Variants in LRP1B observed in about 807,000 individuals in gnomAD.
LRP1B encodes LDL receptor related protein 1B.
Under a neutral mutation model 556.6 loss-of-function variants are expected in LRP1B, and 217 were observed. The observed-to-expected ratio is 0.39, with a 90% CI of 0.35 to 0.44. LRP1B has a LOEUF of 0.44. LRP1B is among the 20% of genes least tolerant of loss of function. The pLI is 1.00. For missense variants in LRP1B, 5,053 were observed against 5,620.8 expected, an observed-to-expected ratio of 0.90 and a Z score of 3.23; for synonymous variants, 2,047 against 1,865.8, an observed-to-expected ratio of 1.10 and a Z score of -2.50.
At chr2:141,145,555 CAG>C (rs1053478757) in intron 7 of LRP1B, among the ~76,000 whole-genome samples, 14 of 146,352 alleles carry the variant, frequency 9.6e-5, no homozygotes, top group African/African-American at 1.8e-4. Context: ...TTTTTAGAGA[CAG>C]AGTTTTGCTC....
chr2:140,607,749 T>C (rs916734012), intron 41 of LRP1B, among the ~76,000 whole-genome samples: 6 of 152,056 alleles, frequency 3.9e-5, no homozygotes, highest in Admixed American at 3.9e-4. Context: ...TATGTAGATA[T>C]GGTTTAATTG....
At chr2:140,512,904 G>A (rs1689725471) in intron 51 of LRP1B, among the ~76,000 whole-genome samples, 1 of 152,086 alleles carries the variant, frequency 6.6e-6, no homozygotes. Flanking sequence ...TTGGTCTAAA[G>A]CAGTATTTTC....
chr2:141,403,390 G>A (rs539116938), intron 3 of LRP1B, among the ~76,000 whole-genome samples: 6 of 152,028 alleles, frequency 3.9e-5, no homozygotes, highest in African/African-American at 1.4e-4. Flanking sequence ...AACCCTTTAA[G>A]TTTACAAAAA....
intron 3 of LRP1B, among the ~76,000 whole-genome samples, chr2:141,257,667 C>T (rs1427341746): frequency 6.6e-6 from 1 of 152,166 alleles, no homozygotes; most frequent in Non-Finnish European, 1.5e-5. Context: ...GTTTATTAGA[C>T]TTATCCTGCG....
chr2:141,743,001 G>A (rs1182881666), intron 2 of LRP1B, among the ~76,000 whole-genome samples: 5 of 151,614 alleles, frequency 3.3e-5, no homozygotes, highest in Admixed American at 1.3e-4. Flanking sequence ...ACAGTTTTTC[G>A]GTGGTCCTTA....
intron 3 of LRP1B, among the ~76,000 whole-genome samples, chr2:141,446,934 A>G (rs1460757341): frequency 6.6e-6 from 1 of 151,994 alleles, no homozygotes; most frequent in African/African-American, 2.4e-5. Flanking sequence ...TGTTCTCTAT[A>G]TTTCCTGAAT....
chr2:141,464,606 A>ATATATATATATATATATATATT, intron 3 of LRP1B, among the ~76,000 whole-genome samples: 2 of 90,560 alleles, frequency 2.2e-5, no homozygotes, highest in Admixed American at 1.2e-4. Flanking sequence ...ATATATATAT[A>ATATATATATATATATATATATT]TTTTTTTAGT....
At chr2:141,832,542 T>A (rs1263815530) in intron 1 of LRP1B, among the ~76,000 whole-genome samples, 1 of 151,928 alleles carries the variant, frequency 6.6e-6, no homozygotes, top group East Asian at 1.9e-4. Flanking sequence ...ATTATTCTGA[T>A]GAACATTTTG....
chr2:140,369,969 T>C (rs1168699216), intron 71 of LRP1B, among the ~76,000 whole-genome samples: 1 of 152,012 alleles, frequency 6.6e-6, no homozygotes, highest in African/African-American at 2.4e-5. Flanking sequence ...ATATCTTGTA[T>C]TTAAAAAATA....
At chr2:141,250,451 T>C (rs995211817) in intron 4 of LRP1B, among the ~76,000 whole-genome samples, 8 of 152,172 alleles carry the variant, frequency 5.3e-5, no homozygotes, top group African/African-American at 1.9e-4. Context: ...ATTGAGCCCC[T>C]GGGAGGATAA....
chr2:141,083,198 T>C (rs929049008), intron 7 of LRP1B, among the ~76,000 whole-genome samples: 11 of 152,216 alleles, frequency 7.2e-5, no homozygotes, highest in African/African-American at 2.4e-4. Context: ...CTCTTGGTTA[T>C]ACATTTCCTA....
chr2:141,724,811 C>T (rs1289350185), intron 2 of LRP1B, among the ~76,000 whole-genome samples: 1 of 151,888 alleles, frequency 6.6e-6, no homozygotes, highest in Non-Finnish European at 1.5e-5. Flanking sequence ...ATCTTATCTG[C>T]AAAATAATCT....
At chr2:140,950,523 A>T in intron 19 of LRP1B, 121 bp from the exon 20 acceptor site, 1 of 747,890 alleles carries the variant, frequency 1.3e-6, no homozygotes. Flanking sequence ...TTGCTCTGTC[A>T]CCCAACCTGT....
At chr2:141,401,976 T>G (rs1431511155) in intron 3 of LRP1B, among the ~76,000 whole-genome samples, 1 of 152,210 alleles carries the variant, frequency 6.6e-6, no homozygotes, top group Non-Finnish European at 1.5e-5. Context: ...CGCATCCTTC[T>G]TTTTGTATTT....
At chr2:142,117,944 G>A (rs1707330259) in intron 1 of LRP1B, among the ~76,000 whole-genome samples, 2 of 152,128 alleles carry the variant, frequency 1.3e-5, no homozygotes, top group Admixed American at 1.3e-4. Context: ...AGTCAAATAT[G>A]TCTGAGTGCC....
intron 1 of LRP1B, among the ~76,000 whole-genome samples, chr2:141,883,596 T>A (rs1699023271): frequency 6.6e-6 from 1 of 152,106 alleles, no homozygotes; most frequent in Non-Finnish European, 1.5e-5. Context: ...TAGTGGCTCA[T>A]CCCTGTAGCC....
At chr2:140,435,532 A>C (rs1686136973) in intron 66 of LRP1B, among the ~76,000 whole-genome samples, 1 of 152,116 alleles carries the variant, frequency 6.6e-6, no homozygotes, top group African/African-American at 2.4e-5. Context: ...GCAAAAAGCT[A>C]TTTCTCTTAC....
chr2:142,115,857 T>C lies in LRP1B; in HGVS notation c.82+14791A>G, dbSNP rs201637310. Among the ~76,000 whole-genome samples the C allele has an allele frequency of 3.5e-4, 4 of 11,518 alleles. 2 individuals are homozygous for C. The highest frequency in any genetic ancestry group is 9.4e-4 in the African/African-American group (4 of 4,234). 7.6% of individuals were successfully genotyped at this position (11,518 alleles called of 152,430 possible). ...TATATATGTAATATATATATATACA[T>C]ATATATATATATGGGGGAAGTGACA... On this transcript the variant is annotated intron_variant, in intron 1 of 90. Coordinates refer to ENST00000389484, the MANE Select transcript of LRP1B (RefSeq NM_018557.3).
intron 41 of LRP1B, among the ~76,000 whole-genome samples, chr2:140,675,158 T>G (rs1685627882): frequency 6.6e-6 from 1 of 152,236 alleles, no homozygotes; most frequent in Non-Finnish European, 1.5e-5. Flanking sequence ...CCATCCAGAT[T>G]ATCTAATCCA....
Sources: gnomAD v4.1 joint callset for allele counts (sites outside exome capture counted in the v4.1 genomes callset) on GRCh38, gnomAD v4.1.1 for gene constraint, MANE v1.5 for transcripts, NCBI Gene and HGNC (gene_info 2026-07-23, HGNC 2026-07-21) for gene names.